SYTL2: variants seen among roughly 807,000 people sequenced by gnomAD.
SYTL2 encodes the protein synaptotagmin like 2.
Under a neutral mutation model 198.7 loss-of-function variants are expected in SYTL2, and 165 were observed. That is an observed-to-expected ratio of 0.83 (90% CI 0.73 to 0.94). The LOEUF (loss-of-function observed/expected upper bound fraction) is 0.94. Among genes scored for constraint, SYTL2 ranks in the 40% least tolerant of loss-of-function variants. The pLI, the probability that SYTL2 is intolerant of heterozygous loss-of-function variation, is 0.00. For missense variants in SYTL2, 2,835 were observed against 2,582.8 expected, an observed-to-expected ratio of 1.10 and a Z score of -2.12; for synonymous variants, 966 against 917.7, an observed-to-expected ratio of 1.05 and a Z score of -0.95.
Position 85,725,735 on chromosome 11 carries a change from G to A in SYTL2, c.3623C>T (p.Ser1208Phe), listed in dbSNP as rs1208920928. ...TVVHPKVKRN[S>F]LTASLDKLLK... Reference sequence around the variant, plus strand: ...GAGTTTGTCTAGACTAGCAGTCAAAGAGTTCCGTTTAACCTTTGGATGAAC... The same window carrying A: ...GAGTTTGTCTAGACTAGCAGTCAAAAAGTTCCGTTTAACCTTTGGATGAAC... The change falls in exon 8 of 20, where the codon TCT becomes TTT. Residue 1208 changes from serine (S) to phenylalanine (F), a missense_variant. By Grantham distance (155) the Ser-to-Phe change is radical. Coordinates refer to ENST00000359152, the MANE Select transcript of SYTL2 (RefSeq NM_206927.4). The A allele has an allele frequency of 6.2e-7, 1 of 1,614,128 alleles. No homozygotes were observed. Among genetic ancestry groups the A allele is most frequent in the Non-Finnish European group, 8.5e-7 (1 of 1,179,996 alleles).
the SYTL2 span, among the ~76,000 whole-genome samples, chr11:85,838,865 C>T: frequency 6.6e-6 from 1 of 152,172 alleles, no homozygotes; most frequent in African/African-American, 2.4e-5. Context: ...ATGAAACCAA[C>T]AGCACAATCA....
At chr11:85,812,899 C>A (rs538259557), upstream of SYTL2, among the ~76,000 whole-genome samples, 1 of 152,266 alleles carries the variant, frequency 6.6e-6, no homozygotes, top group Non-Finnish European at 1.5e-5. Context: ...GCTTTTGGTA[C>A]TTCACTTTTA....
intron 8 of SYTL2, among the ~76,000 whole-genome samples, chr11:85,722,390 G>A (rs2153457424): frequency 6.6e-6 from 1 of 151,952 alleles, no homozygotes; most frequent in East Asian, 1.9e-4. Flanking sequence ...TAGCCAGGAT[G>A]GTCTCGATAT....
intron 18 of SYTL2, 129 bp from the exon 19 acceptor site, chr11:85,696,517 T>C: frequency 1.3e-6 from 1 of 784,282 alleles, no homozygotes; most frequent in Non-Finnish European, 2.1e-6. Flanking sequence ...GTGGTGGTGG[T>C]GGTTTGGCAG....
the SYTL2 span, among the ~76,000 whole-genome samples, chr11:85,839,506 T>C: frequency 6.6e-6 from 1 of 152,192 alleles, no homozygotes; most frequent in Non-Finnish European, 1.5e-5. Context: ...TTGTTTTCAT[T>C]TCTAGACCCC....
chr11:85,779,742 C>T (rs2092526164), intron 1 of SYTL2, among the ~76,000 whole-genome samples: 1 of 150,474 alleles, frequency 6.6e-6, no homozygotes, highest in Admixed American at 6.6e-5. Flanking sequence ...AGAAGAAAAA[C>T]AGTCATTTTA....
chr11:85,714,289 G>A (rs1310856720), intron 12 of SYTL2, 124 bp downstream of exon 12: 1 of 727,490 alleles, frequency 1.4e-6, no homozygotes, highest in Non-Finnish European at 2.3e-6. Context: ...TGACTTGAAA[G>A]GCAAGGGCCA....
intron 18 of SYTL2, among the ~76,000 whole-genome samples, chr11:85,697,348 G>A (rs1338275369): frequency 6.6e-6 from 1 of 152,108 alleles, no homozygotes; most frequent in Non-Finnish European, 1.5e-5. Context: ...CCAGATATAT[G>A]TCACATATAT....
chr11:85,728,467 A>T lies in SYTL2; in HGVS notation c.1391-500T>A, dbSNP rs573392006. On this transcript the variant is annotated intron_variant, in intron 7 of 19. Coordinates refer to ENST00000359152, the MANE Select transcript of SYTL2 (RefSeq NM_206927.4). ...ACGCTCAGCTAATTTTTGTATTTTTAGTAGAGACGGGGTTTCACCATATTG... is the reference window on the plus strand; with the variant it reads ...ACGCTCAGCTAATTTTTGTATTTTTTGTAGAGACGGGGTTTCACCATATTG... Among the ~76,000 whole-genome samples the T allele has an allele frequency of 2.5e-3, 375 of 152,096 alleles. 2 individuals carry two copies. The highest frequency in any genetic ancestry group is 8.6e-3 in the African/African-American group (357 of 41,468).
At chr11:85,779,006 A>G (rs2092509514) in intron 1 of SYTL2, among the ~76,000 whole-genome samples, 1 of 152,106 alleles carries the variant, frequency 6.6e-6, no homozygotes, top group Non-Finnish European at 1.5e-5. Context: ...TAAAATAAAA[A>G]CAAAATATAG....
chr11:85,727,191 G>A lies in SYTL2; in HGVS notation c.2167C>T (p.Pro723Ser), dbSNP rs1420709490. Reference sequence around the variant, plus strand: ...GCATTCATGTTATCTTTCAAACCTGGTTCTTTGACAACTGTTGAAGAGTCA... The same window carrying A: ...GCATTCATGTTATCTTTCAAACCTGATTCTTTGACAACTGTTGAAGAGTCA... ...NFDSSTVVKE[P>S]GLKDNMNAER... Residue 723 changes from proline to serine, a missense_variant, in exon 8 of 20, where the codon CCA (proline) becomes TCA (serine). Pro to Ser is a moderately conservative substitution (Grantham distance 74, BLOSUM62 -1). This residue lies in a region of SYTL2 where 2,645 missense variants were observed against 2,381.7 expected (regional missense o/e 1.11). Coordinates refer to ENST00000359152, the MANE Select transcript of SYTL2 (RefSeq NM_206927.4). 3.3e-6 allele frequency: 5 copies of A among 1,536,396 alleles called. No homozygotes were observed. Among genetic ancestry groups the A allele is most frequent in the Non-Finnish European group, 4.4e-6 (5 of 1,146,958 alleles).
intron 2 of SYTL2, among the ~76,000 whole-genome samples, chr11:85,749,920 T>C (rs370386305): frequency 3.4e-4 from 51 of 152,160 alleles, no homozygotes; most frequent in African/African-American, 1.2e-3. Context: ...AAATACGGGG[T>C]ATTTATTCAG....
chr11:85,696,079 A>T (rs1051340418), intron 19 of SYTL2, 104 bp downstream of exon 19: 7 of 871,484 alleles, frequency 8.0e-6, no homozygotes, highest in Non-Finnish European at 1.3e-5. Context: ...ATCTGTTTTC[A>T]GGATATCTCG....
chr11:85,838,793 T>C, the SYTL2 span, among the ~76,000 whole-genome samples: 1 of 152,230 alleles, frequency 6.6e-6, no homozygotes, highest in Non-Finnish European at 1.5e-5. Flanking sequence ...ATCCAAATTA[T>C]ATCAGCAAAG....
rs750525270 is a variant in SYTL2, at chr11:85,727,875, C to T, written c.1483G>A (p.Ala495Thr). 5 of 1,612,926 alleles carry T rather than the reference C, an allele frequency of 3.1e-6. No homozygotes were observed. The highest frequency in any genetic ancestry group is 3.4e-6 in the Non-Finnish European group (4 of 1,179,658). The change falls in exon 8 of 20, where the codon GCT (alanine) becomes ACT (threonine). Residue 495 changes from alanine (A) to threonine (T), a missense_variant. Coordinates refer to ENST00000359152, the MANE Select transcript of SYTL2 (RefSeq NM_206927.4). ...CGTGAAGATGTCTTAGCTTTTAGAG[C>T]CGGGAGAGGAGGGGGCTTACCTTGC... The part of the protein sequence containing the change: ...RQQGKPPPLP[A>T]LKAKTSSRSG...
At chr11:85,705,113 G>T in intron 15 of SYTL2, 85 bp from the exon 16 acceptor site, 1 of 1,007,512 alleles carries the variant, frequency 9.9e-7, no homozygotes, top group Non-Finnish European at 1.4e-6. Context: ...AAATTCATCT[G>T]TATATAGCAA....
At chr11:85,844,957 G>T in the SYTL2 span, among the ~76,000 whole-genome samples, 9 of 152,170 alleles carry the variant, frequency 5.9e-5, no homozygotes, top group African/African-American at 1.2e-4. Context: ...ATCCAACCAT[G>T]GTAATCTCTT....
At position 85,696,117 on chromosome 11, in the gene SYTL2, A is replaced by G. The variant is rs994540362; in HGVS notation, c.6574+66T>C. The G allele has an allele frequency of 3.8e-5, 52 of 1,366,562 alleles. 1 individual carries two copies. The Admixed American group carries it at 8.9e-4, about 23-fold the overall frequency. The allele number at this position is 1,366,562 out of a possible 1,614,324, so 84.7% of individuals were successfully genotyped here. A position where few individuals can be genotyped will look rare whatever the true frequency, so the allele number is the denominator to read the frequency against. On this transcript the variant is annotated intron_variant, in intron 19 of 19. Transcript: ENST00000359152. ...TTTCACTGGGAAGAAGCAAAGCAAC[A>G]AACAAACCTCTAGTATCTCTAGAAA...
chr11:85,778,970 C>G (rs185187276), intron 1 of SYTL2, among the ~76,000 whole-genome samples: 48 of 152,098 alleles, frequency 3.2e-4, no homozygotes, highest in African/African-American at 8.0e-4. Context: ...AGAGCCAGAC[C>G]TTGTCTCAAG....
Sources: allele counts gnomAD v4.1 joint callset (sites outside exome capture counted in the v4.1 genomes callset), GRCh38; gene constraint gnomAD v4.1.1; regional missense constraint gnomAD v4.1.1; transcripts MANE v1.5; gene names NCBI Gene and HGNC (gene_info 2026-07-23, HGNC 2026-07-21).